Variants in KIF2A observed in about 807,000 individuals in gnomAD.
KIF2A encodes kinesin family member 2A.
Under a neutral mutation model 100.2 loss-of-function variants are expected in KIF2A, and 22 were observed. The observed-to-expected ratio is 0.22, with a 90% CI of 0.16 to 0.31. The LOEUF (loss-of-function observed/expected upper bound fraction) is 0.31, where lower values mean the gene tolerates loss of function less well. Ranked by LOEUF, KIF2A falls within the 10% of genes least tolerant of loss-of-function variation. KIF2A has a pLI of 1.00. For missense variants in KIF2A, 495 were observed against 898.7 expected, an observed-to-expected ratio of 0.55 and a Z score of 5.74; for synonymous variants, 268 against 285.9, an observed-to-expected ratio of 0.94 and a Z score of 0.63.
At chr5:62,335,603 G>A (rs996916858) in intron 1 of KIF2A, among the ~76,000 whole-genome samples, 1 of 152,148 alleles carries the variant, frequency 6.6e-6, no homozygotes, top group Admixed American at 6.6e-5. Flanking sequence ...TTGGAAAGTT[G>A]GGGATATAAA....
intron 15 of KIF2A, among the ~76,000 whole-genome samples, chr5:62,365,823 C>T (rs1158848443): frequency 1.3e-5 from 2 of 152,128 alleles, no homozygotes; most frequent in African/African-American, 4.8e-5. Flanking sequence ...TTGTTTAGTC[C>T]TTTCAGATTT....
intron 1 of KIF2A, among the ~76,000 whole-genome samples, chr5:62,318,038 A>G (rs1477638660): frequency 6.6e-6 from 1 of 152,218 alleles, no homozygotes; most frequent in Non-Finnish European, 1.5e-5. Context: ...GCAACTTGCT[A>G]AAGTGCTGAC....
chr5:62,324,895 A>G (rs1231265826), intron 1 of KIF2A, among the ~76,000 whole-genome samples: 1 of 152,216 alleles, frequency 6.6e-6, no homozygotes, highest in Non-Finnish European at 1.5e-5. Flanking sequence ...ACAGCAAAAG[A>G]AACAGAGTAA....
chr5:62,378,415 G>GC (rs1287865079), intron 19 of KIF2A, among the ~76,000 whole-genome samples: 1 of 151,942 alleles, frequency 6.6e-6, no homozygotes, highest in East Asian at 1.9e-4. Flanking sequence ...ACTGGCAGCC[G>GC]CCCCCACCCT....
chr5:62,343,200 C>G (rs1747389243), intron 1 of KIF2A, among the ~76,000 whole-genome samples: 1 of 152,200 alleles, frequency 6.6e-6, no homozygotes, highest in Non-Finnish European at 1.5e-5. Context: ...TAATTTGTCT[C>G]TGAAATTGAA....
intron 1 of KIF2A, among the ~76,000 whole-genome samples, chr5:62,331,228 A>G (rs1405349519): frequency 5.9e-5 from 9 of 151,966 alleles, no homozygotes; most frequent in Non-Finnish European, 1.3e-4. Context: ...CCTGACCAAC[A>G]TGGAGAAACC....
At position 62,388,114 on chromosome 5, in the gene KIF2A, T is replaced by C. The variant is rs1742125105; in HGVS notation, c.*2545T>C. On this transcript the variant is annotated 3_prime_UTR_variant, in exon 21 of 21. Transcript: ENST00000407818. ...AATTCTCAGTCTGACAGTTTTAAAA[T>C]AGCTTAAAACTAAGCACCAGGTATA... The C allele has an allele frequency of 6.6e-6, 1 of 152,156 alleles. No individual in the cohort carries two copies. Among genetic ancestry groups the C allele is most frequent in the South Asian group, 2.1e-4 (1 of 4,830 alleles). 9.4% of individuals were successfully genotyped at this position (152,156 alleles called of 1,614,324 possible).
At chr5:62,336,890 A>G (rs1746982274) in intron 1 of KIF2A, among the ~76,000 whole-genome samples, 1 of 152,204 alleles carries the variant, frequency 6.6e-6, no homozygotes, top group Admixed American at 6.5e-5. Context: ...ATTAAGAGAA[A>G]AAAGTTTACC....
rs568469107 is a variant in KIF2A, at chr5:62,388,605, G to C, written c.*3036G>C. On this transcript the variant is annotated 3_prime_UTR_variant, in exon 21 of 21. Coordinates refer to ENST00000407818, the MANE Select transcript of KIF2A (RefSeq NM_001098511.3). ...AATGTGAATAACACGAAATGGTATG[G>C]GGAATGTGTGACTAGTGAAGCATAT... 4.8e-5 allele frequency: 8 copies of C among 168,198 alleles called. No homozygotes were observed. The South Asian group carries it at 1.3e-3, about 26-fold the overall frequency. The allele number at this position is 168,198 out of a possible 1,614,324, so 10.4% of individuals were successfully genotyped here. A position where few individuals can be genotyped will look rare whatever the true frequency, so the allele number is the denominator to read the frequency against.
intron 1 of KIF2A, among the ~76,000 whole-genome samples, chr5:62,314,766 T>TTTG (rs1296954212): frequency 1.4e-5 from 2 of 146,914 alleles, no homozygotes; most frequent in South Asian, 2.2e-4. Flanking sequence ...CTGTTTTTTT[T>TTTG]TTTTTTTTTT....
chr5:62,358,924 G>A (rs2111944625), intron 9 of KIF2A, among the ~76,000 whole-genome samples: 1 of 152,334 alleles, frequency 6.6e-6, no homozygotes, highest in Admixed American at 6.5e-5. Context: ...GCCCGCCTTG[G>A]CTTCCCAAAG....
chr5:62,308,217 A>C, intron 1 of KIF2A: 1 of 555,216 alleles, frequency 1.8e-6, no homozygotes, highest in Admixed American at 3.6e-5. Flanking sequence ...CTAATGGGAA[A>C]GAGATACCTT....
At chr5:62,334,244 C>T (rs1206518648) in intron 1 of KIF2A, among the ~76,000 whole-genome samples, 1 of 151,978 alleles carries the variant, frequency 6.6e-6, no homozygotes, top group Admixed American at 6.6e-5. Context: ...CACATCATGA[C>T]TCACCTGGGC....
At chr5:62,333,852 G>A (rs976805858) in intron 1 of KIF2A, among the ~76,000 whole-genome samples, 8 of 152,084 alleles carry the variant, frequency 5.3e-5, no homozygotes, top group Non-Finnish European at 1.2e-4. Flanking sequence ...CAGTCCCCAG[G>A]ATACTTATTC....
intron 16 of KIF2A, among the ~76,000 whole-genome samples, chr5:62,369,742 G>C (rs1221284623): frequency 2.0e-5 from 3 of 150,672 alleles, no homozygotes; most frequent in African/African-American, 7.3e-5. Context: ...ATTTTTTTTA[G>C]GCCAATACTT....
intron 20 of KIF2A, among the ~76,000 whole-genome samples, chr5:62,382,184 G>A (rs1489457553): frequency 1.3e-5 from 2 of 152,122 alleles, no homozygotes; most frequent in African/African-American, 2.4e-5. Flanking sequence ...TTGATTAGTT[G>A]TTTTGAAGGG....
intron 5 of KIF2A, chr5:62,352,973 CAGA>C: frequency 2.4e-6 from 1 of 425,442 alleles, no homozygotes; most frequent in Non-Finnish European, 4.1e-6. Flanking sequence ...GATAATTTGT[CAGA>C]TGTTACAGAA....
At chr5:62,328,486 A>AGTG (rs1357872836) in intron 1 of KIF2A, among the ~76,000 whole-genome samples, 1 of 152,076 alleles carries the variant, frequency 6.6e-6, no homozygotes, top group East Asian at 1.9e-4. Flanking sequence ...AGGAAACTAC[A>AGTG]GTGATTTAAT....
intron 1 of KIF2A, among the ~76,000 whole-genome samples, chr5:62,309,069 A>G (rs1260603462): frequency 1.3e-5 from 2 of 150,166 alleles, no homozygotes; most frequent in Non-Finnish European, 3.0e-5. Flanking sequence ...ACTCATAAGT[A>G]TGAGTATAGG....
Sources: allele counts gnomAD v4.1 joint callset (sites outside exome capture counted in the v4.1 genomes callset), GRCh38; gene constraint gnomAD v4.1.1; transcripts MANE v1.5; gene names NCBI Gene and HGNC (gene_info 2026-07-23, HGNC 2026-07-21).